The following RFX4 variants were observed in gnomAD, a reference collection of about 807,000 sequenced individuals.
RFX4 encodes the protein regulatory factor X4.
In RFX4, 10 loss-of-function variants were observed where a neutral mutation model predicts 95.0. The observed-to-expected ratio is 0.11, with a 90% confidence interval of 0.06 to 0.18. The LOEUF (loss-of-function observed/expected upper bound fraction) is 0.18. Ranked by LOEUF, RFX4 falls within the 10% of genes least tolerant of loss-of-function variation. RFX4 has a pLI of 1.00. For missense variants in RFX4, 640 were observed against 922.0 expected (o/e 0.69, Z 3.96); for synonymous variants, 321 against 340.7 (o/e 0.94, Z 0.64).
At chr12:106,601,358 G>T (rs7295853) in intron 1 of RFX4, 3 of 1,572,126 alleles carry the variant, frequency 1.9e-6, no homozygotes, top group Admixed American at 1.8e-5. Flanking sequence ...TAATGACCAG[G>T]GCCCAGGGAC....
At chr12:106,635,901 A>G (rs557129399) in intron 2 of RFX4, among the ~76,000 whole-genome samples, 1 of 152,256 alleles carries the variant, frequency 6.6e-6, no homozygotes, top group South Asian at 2.1e-4. Flanking sequence ...TTCTTTGTGA[A>G]CAACAGAGGT....
chr12:106,639,544 G>A, intron 3 of RFX4, 152 bp downstream of exon 3: 1 of 694,204 alleles, frequency 1.4e-6, no homozygotes, highest in East Asian at 2.8e-5. Context: ...TATGTAAAAT[G>A]CTCAACTAGC....
At chr12:106,732,300 T>C (rs750909129) in intron 14 of RFX4, 51 bp downstream of exon 14, 2 of 1,604,802 alleles carry the variant, frequency 1.2e-6, no homozygotes, top group Non-Finnish European at 1.7e-6. Flanking sequence ...GTTATTTGTA[T>C]CCTTACTTCT....
intron 13 of RFX4, among the ~76,000 whole-genome samples, chr12:106,731,220 C>T (rs920625022): frequency 6.6e-6 from 1 of 152,132 alleles, no homozygotes; most frequent in Non-Finnish European, 1.5e-5. Context: ...TTACAGTAGA[C>T]ATTAACTGAG....
At chr12:106,678,104 G>A (rs1166969761) in intron 4 of RFX4, among the ~76,000 whole-genome samples, 1 of 152,216 alleles carries the variant, frequency 6.6e-6, no homozygotes, top group Non-Finnish European at 1.5e-5. Flanking sequence ...CCCATGCTAT[G>A]GCTTGATAAT....
intron 8 of RFX4, among the ~76,000 whole-genome samples, chr12:106,703,924 G>A (rs2042035347): frequency 6.6e-6 from 1 of 151,970 alleles, no homozygotes; most frequent in Non-Finnish European, 1.5e-5. Context: ...AAATTAGCTG[G>A]GCGTGGTGGC....
intron 3 of RFX4, chr12:106,645,862 C>T: frequency 7.8e-7 from 1 of 1,278,650 alleles, no homozygotes; most frequent in East Asian, 5.6e-5. Flanking sequence ...GCTCTGAACA[C>T]AACCAGTGTT....
At chr12:106,682,412 G>T (rs1246000445) in intron 5 of RFX4, 2 of 303,088 alleles carry the variant, frequency 6.6e-6, no homozygotes, top group African/African-American at 2.1e-5. Flanking sequence ...ACTCTGCTCT[G>T]ATAGTATGCA....
At chr12:106,649,004 A>T (rs549875943) in intron 3 of RFX4, among the ~76,000 whole-genome samples, 1 of 152,304 alleles carries the variant, frequency 6.6e-6, no homozygotes, top group East Asian at 1.9e-4. Context: ...GACTGAGCTC[A>T]TTATCTCTCC....
At chr12:106,734,933 G>A (rs946633054) in intron 15 of RFX4, among the ~76,000 whole-genome samples, 2 of 151,652 alleles carry the variant, frequency 1.3e-5, no homozygotes, top group African/African-American at 4.8e-5. Context: ...GGGCATGGTG[G>A]TGTGCACCTG....
chr12:106,744,600 T>G (rs2042859697), intron 15 of RFX4, among the ~76,000 whole-genome samples: 1 of 152,206 alleles, frequency 6.6e-6, no homozygotes, highest in Non-Finnish European at 1.5e-5. Context: ...AAGATAGATA[T>G]TATTACTCCT....
intron 1 of RFX4, among the ~76,000 whole-genome samples, chr12:106,588,895 A>G (rs534482743): frequency 6.6e-6 from 1 of 152,266 alleles, no homozygotes; most frequent in African/African-American, 2.4e-5. Flanking sequence ...TTCTAAGCCA[A>G]GTTGGTCTGT....
intron 2 of RFX4, among the ~76,000 whole-genome samples, chr12:106,611,550 G>T (rs2039961543): frequency 6.7e-6 from 1 of 148,212 alleles, no homozygotes; most frequent in Admixed American, 6.8e-5. Context: ...TCACTCTGTT[G>T]CCCAGGCTGG....
intron 1 of RFX4, among the ~76,000 whole-genome samples, chr12:106,584,359 T>A (rs1174056086): frequency 6.6e-6 from 1 of 152,036 alleles, no homozygotes; most frequent in Admixed American, 6.6e-5. Flanking sequence ...GCTATTTTCA[T>A]TTTGGCCCCC....
intron 13 of RFX4, among the ~76,000 whole-genome samples, chr12:106,729,029 A>G (rs528529073): frequency 3.9e-5 from 6 of 152,352 alleles, no homozygotes; most frequent in Admixed American, 6.5e-5. Context: ...ACCGGCTTCC[A>G]AGTTCAGCTC....
chr12:106,655,665 T>C (rs2040943527), intron 4 of RFX4, among the ~76,000 whole-genome samples: 2 of 152,128 alleles, frequency 1.3e-5, no homozygotes, highest in African/African-American at 4.8e-5. Context: ...TACATACAGG[T>C]TGGGGACAGG....
chr12:106,745,488 C>T (rs1036650315), intron 15 of RFX4, among the ~76,000 whole-genome samples: 4 of 152,226 alleles, frequency 2.6e-5, no homozygotes, highest in Non-Finnish European at 5.9e-5. Flanking sequence ...ACCATTTCCA[C>T]ATTTCTTCAA....
chr12:106,645,880 A>G, intron 3 of RFX4: 2 of 1,288,532 alleles, frequency 1.6e-6, no homozygotes, highest in Non-Finnish European at 2.0e-6. Context: ...GTTGATAGAT[A>G]ATGCCACTAG....
At chr12:106,611,258 G>T (rs1411410286) in intron 2 of RFX4, among the ~76,000 whole-genome samples, 1 of 151,988 alleles carries the variant, frequency 6.6e-6, no homozygotes, top group Non-Finnish European at 1.5e-5. Flanking sequence ...CTATTCCATG[G>T]GTTGCCTTTT....
Sources: allele counts gnomAD v4.1 joint callset (sites outside exome capture counted in the v4.1 genomes callset), GRCh38; gene constraint gnomAD v4.1.1; transcripts MANE v1.5; gene names NCBI Gene and HGNC (gene_info 2026-07-23, HGNC 2026-07-21).